Variants in CNOT4 observed in about 807,000 individuals in gnomAD.
CNOT4 encodes the protein CCR4-associated factor 4.
CNOT4 carries 8 observed loss-of-function variants against 73.8 expected under a neutral mutation model. That is an observed-to-expected ratio of 0.11 (90% confidence interval 0.06 to 0.20). The LOEUF (loss-of-function observed/expected upper bound fraction) is 0.20, where lower values mean the gene tolerates loss of function less well. Ranked by LOEUF, CNOT4 falls within the 10% of genes least tolerant of loss-of-function variation. CNOT4 has a pLI of 1.00. For synonymous variants in CNOT4, 293 were observed against 321.1 expected, an observed-to-expected ratio of 0.91 and a Z score of 0.94; for missense variants, 564 against 883.4, an observed-to-expected ratio of 0.64 and a Z score of 4.58.
chr7:135,483,901 T>C (rs1209644650), intron 1 of CNOT4, among the ~76,000 whole-genome samples: 2 of 152,118 alleles, frequency 1.3e-5, no homozygotes, highest in Non-Finnish European at 2.9e-5. Context: ...CAAAAAAACC[T>C]ATAGCTAGGC....
At chr7:135,386,902 A>T in intron 10 of CNOT4, 1 of 167,362 alleles carries the variant, frequency 6.0e-6, no homozygotes, top group Non-Finnish European at 1.2e-5. Context: ...ATCTCTCAAC[A>T]CCAAGGAGCA....
At chr7:135,482,643 G>GAAGA (rs540454737) in intron 1 of CNOT4, among the ~76,000 whole-genome samples, 5 of 151,522 alleles carry the variant, frequency 3.3e-5, no homozygotes, top group Middle Eastern at 3.4e-3. Flanking sequence ...AAGAGAGAGA[G>GAAGA]AAGAAAGAAA....
At chr7:135,508,505 C>T (rs1268968604) in intron 1 of CNOT4, among the ~76,000 whole-genome samples, 4 of 152,118 alleles carry the variant, frequency 2.6e-5, no homozygotes, top group Non-Finnish European at 4.4e-5. Flanking sequence ...ATAAAAATGT[C>T]GATTTTTCTT....
In CNOT4 at chr7:135,376,987, T is replaced by C. The variant is rs118180547; in HGVS notation, c.1628-12921A>G. The stretch of plus-strand genomic sequence containing the variant: ...CATTATTTTATAAAACTAAATGAAA[T>C]GGAGATGGATATAGTTATGGTGATA... On this transcript the variant is annotated intron_variant, in intron 10 of 11. Coordinates refer to ENST00000541284, the MANE Select transcript of CNOT4 (RefSeq NM_001190850.2). Among the ~76,000 whole-genome samples, 100 of 152,254 alleles carry C rather than the reference T, an allele frequency of 6.6e-4. 1 individual carries two copies. Among genetic ancestry groups the C allele is most frequent in the Non-Finnish European group, 1.1e-3 (74 of 68,002 alleles).
At chr7:135,387,582 C>G in intron 10 of CNOT4, 1 of 976,112 alleles carries the variant, frequency 1.0e-6, no homozygotes, top group Non-Finnish European at 1.2e-6. Flanking sequence ...TAAAGCATAC[C>G]TTTTATCATA....
intron 8 of CNOT4, among the ~76,000 whole-genome samples, chr7:135,396,861 C>T (rs954029885): frequency 1.3e-5 from 2 of 152,082 alleles, no homozygotes; most frequent in Non-Finnish European, 2.9e-5. Flanking sequence ...TCTAGAGATA[C>T]ATACAAACCA....
intron 2 of CNOT4, among the ~76,000 whole-genome samples, chr7:135,432,651 C>G (rs764489709): frequency 6.6e-6 from 1 of 152,122 alleles, no homozygotes; most frequent in East Asian, 1.9e-4. Context: ...CTCCTGTTTC[C>G]TTTATCCCAT....
chr7:135,380,662 G>C (rs1795793680), intron 10 of CNOT4, among the ~76,000 whole-genome samples: 4 of 152,198 alleles, frequency 2.6e-5, no homozygotes, highest in African/African-American at 9.6e-5. Context: ...ATAATGTTTA[G>C]AGGAGACAGA....
At chr7:135,450,697 A>G (rs1463373987) in intron 1 of CNOT4, among the ~76,000 whole-genome samples, 18 of 152,226 alleles carry the variant, frequency 1.2e-4, no homozygotes, top group Admixed American at 1.2e-3. Flanking sequence ...TGTGGTAAAA[A>G]TGTGCGTAAA....
chr7:135,504,612 A>G lies in CNOT4; in HGVS notation c.-93+5277T>C, dbSNP rs868407711. On this transcript the variant is annotated intron_variant, in intron 1 of 11. Transcript: ENST00000541284. ...CGCCATTCTCCTGCCTCAGCCTCCC[A>G]AGTAGCTGGGACTACAGGCGCCCGC... 1.1e-4 allele frequency among the ~76,000 whole-genome samples: 13 copies of G among 114,408 alleles called. 4 individuals carry two copies. The highest frequency in any genetic ancestry group is 4.7e-4 in the East Asian group (2 of 4,300). 75.1% of individuals were successfully genotyped at this position (114,408 alleles called of 152,430 possible).
intron 10 of CNOT4, chr7:135,388,591 T>C (rs1796242407): frequency 4.3e-6 from 5 of 1,174,758 alleles, no homozygotes; most frequent in Non-Finnish European, 5.3e-6. Flanking sequence ...GCCAAAATTA[T>C]TACACTAATA....
chr7:135,400,929 T>C (rs545031394), intron 7 of CNOT4, among the ~76,000 whole-genome samples: 3 of 152,306 alleles, frequency 2.0e-5, no homozygotes, highest in South Asian at 2.1e-4. Flanking sequence ...AGAAATTATT[T>C]TACTTCCTAT....
chr7:135,491,615 T>G (rs1274317710), intron 1 of CNOT4, among the ~76,000 whole-genome samples: 1 of 152,172 alleles, frequency 6.6e-6, no homozygotes, highest in African/African-American at 2.4e-5. Context: ...TAGAACAGGC[T>G]TAAGAGAGAA....
chr7:135,404,781 T>C (rs1165050415), intron 7 of CNOT4, among the ~76,000 whole-genome samples: 1 of 152,178 alleles, frequency 6.6e-6, no homozygotes, highest in Non-Finnish European at 1.5e-5. Flanking sequence ...TAAATTCCTA[T>C]AAAAGTTTCC....
chr7:135,488,910 T>G (rs1295326805), intron 1 of CNOT4, among the ~76,000 whole-genome samples: 1 of 152,090 alleles, frequency 6.6e-6, no homozygotes, highest in Non-Finnish European at 1.5e-5. Flanking sequence ...GGGTAAGGTA[T>G]GGCAAAAGTC....
At chr7:135,424,651 T>C (rs1798391445) in intron 2 of CNOT4, among the ~76,000 whole-genome samples, 2 of 151,984 alleles carry the variant, frequency 1.3e-5, no homozygotes, top group African/African-American at 4.8e-5. Context: ...TAGCCGGGTG[T>C]GGTAGCATGA....
At position 135,362,577 on chromosome 7, in the gene CNOT4, C is replaced by T. The variant is rs1794695365; in HGVS notation, c.*308G>A. On this transcript the variant is annotated 3_prime_UTR_variant, in exon 12 of 12. Coordinates refer to ENST00000541284, the MANE Select transcript of CNOT4 (RefSeq NM_001190850.2). Reference sequence around the variant, plus strand: ...CAGATTATGTCATTATTATGCGCAACAGACAAACAATAATTTTCTAAGTAT... The same window carrying T: ...CAGATTATGTCATTATTATGCGCAATAGACAAACAATAATTTTCTAAGTAT... 23 of 484,198 alleles carry T rather than the reference C, an allele frequency of 4.8e-5. No homozygotes were observed. The highest frequency in any genetic ancestry group is 4.4e-4 in the South Asian group (21 of 47,504). 30.0% of individuals were successfully genotyped at this position (484,198 alleles called of 1,614,324 possible). A position where few individuals can be genotyped will look rare whatever the true frequency, so the allele number is the denominator to read the frequency against.
In CNOT4 at chr7:135,410,588, T is replaced by C. The variant is rs2129484049; in HGVS notation, c.748A>G (p.Asn250Asp). The change falls in exon 7 of 12, where the codon AAT becomes GAT. Residue 250 changes from asparagine (N) to aspartate (D), a missense_variant. Asn to Asp is a conservative substitution (Grantham distance 23). This residue lies in a region of CNOT4 where 135 missense variants were observed against 154.0 expected (regional missense o/e 0.88). Coordinates refer to ENST00000541284, the MANE Select transcript of CNOT4 (RefSeq NM_001190850.2). ...LLQELYKLNP[N>D]FLQLSTGSVD... ...GAACCCGTAGATAGCTGAAGAAAATTGGGATTTAATTTATATAATTCTTGA... is the reference window on the plus strand; with the variant it reads ...GAACCCGTAGATAGCTGAAGAAAATCGGGATTTAATTTATATAATTCTTGA... 6.3e-7 allele frequency: 1 copy of C among 1,595,886 alleles called. No individual in the cohort carries two copies. Among genetic ancestry groups the C allele is most frequent in the Non-Finnish European group, 8.5e-7 (1 of 1,171,404 alleles).
chr7:135,488,650 CA>C (rs1166405369), intron 1 of CNOT4, among the ~76,000 whole-genome samples: 3 of 152,078 alleles, frequency 2.0e-5, no homozygotes, highest in Non-Finnish European at 4.4e-5. Flanking sequence ...TTAAAGCAGA[CA>C]AAAATCTCTT....
Sources: gnomAD v4.1 joint callset for allele counts (sites outside exome capture counted in the v4.1 genomes callset) on GRCh38, gnomAD v4.1.1 for gene constraint, gnomAD v4.1.1 regional missense constraint, MANE v1.5 for transcripts, NCBI Gene and HGNC (gene_info 2026-07-23, HGNC 2026-07-21) for gene names.